The following FOXP4 variants were observed in gnomAD, a reference collection of about 807,000 sequenced individuals.
FOXP4 encodes the protein forkhead box P4.
In FOXP4, 25 loss-of-function variants were observed where a neutral mutation model predicts 82.6. That is an observed-to-expected ratio of 0.30 (90% CI 0.22 to 0.42). The LOEUF is 0.42. FOXP4 is among the 10% of genes least tolerant of loss of function. FOXP4 has a pLI of 1.00. For missense variants in FOXP4, 785 were observed against 900.9 expected, an observed-to-expected ratio of 0.87 and a Z score of 1.65; for synonymous variants, 415 against 388.2, an observed-to-expected ratio of 1.07 and a Z score of -0.81.
chr6:41,580,267 G>GT (rs1168151292), intron 3 of FOXP4, among the ~76,000 whole-genome samples: 1 of 152,092 alleles, frequency 6.6e-6, no homozygotes, highest in Non-Finnish European at 1.5e-5. Flanking sequence ...GTGTTTTTAG[G>GT]TTTTCTCCAT....
At position 41,587,802 on chromosome 6, in the gene FOXP4, CGAG is replaced by C. The variant is rs764002110; in HGVS notation, c.886_888del (p.Glu296del). On this transcript the variant is annotated inframe_deletion, in exon 8 of 17. Coordinates refer to ENST00000307972, the MANE Select transcript of FOXP4 (RefSeq NM_001012426.2). ...CCTGCTGTCCTCCCAGCTCTTCCCA[CGAG>C]GAGACCCCCGGCTCCCACCCCCTGT... 2 of 1,561,710 alleles carry C rather than the reference CGAG, an allele frequency of 1.3e-6. No homozygotes were observed. The highest frequency in any genetic ancestry group is 1.4e-5 in the African/African-American group (1 of 73,564).
At chr6:41,559,084 G>C (rs557068165) in intron 1 of FOXP4, among the ~76,000 whole-genome samples, 12 of 152,238 alleles carry the variant, frequency 7.9e-5, no homozygotes, top group African/African-American at 2.6e-4. Flanking sequence ...ACTTTGCCTG[G>C]CCAGTACCTA....
At chr6:41,557,300 C>T (rs1377844883) in intron 1 of FOXP4, among the ~76,000 whole-genome samples, 1 of 152,162 alleles carries the variant, frequency 6.6e-6, no homozygotes, top group Non-Finnish European at 1.5e-5. Context: ...TAAAGAAGAA[C>T]TGGGCAAAAT....
Position 41,577,973 on chromosome 6 carries a change from C to T in FOXP4, c.205-13C>T, listed in dbSNP as rs1460714298. On this transcript the variant is annotated splice_polypyrimidine_tract_variant and intron_variant, in intron 2 of 16. Coordinates refer to ENST00000307972, the MANE Select transcript of FOXP4 (RefSeq NM_001012426.2). ...CCTCCCAGGCCATTGCTGACTCAGC[C>T]CCTGTCTTGCAGGCTCTCCAAGTGG... The T allele has an allele frequency of 2.5e-6, 4 of 1,607,516 alleles. No homozygotes were observed. Among genetic ancestry groups the T allele is most frequent in the East Asian group, 2.2e-5 (1 of 44,834 alleles).
chr6:41,598,950 C>G lies in FOXP4; in HGVS notation c.*14C>G. ...GAACTGTCCTAAGGGCCTGTAGTGA[C>G]CGGCAGGGCTGGGGTGAGACCCCTC... is the stretch of plus-strand genomic sequence containing the variant. On this transcript the variant is annotated 3_prime_UTR_variant, in exon 17 of 17. Coordinates refer to ENST00000307972, the MANE Select transcript of FOXP4 (RefSeq NM_001012426.2). 6.4e-7 allele frequency: 1 copy of G among 1,574,264 alleles called. No individual in the cohort carries two copies. Among genetic ancestry groups the G allele is most frequent in the Non-Finnish European group, 8.6e-7 (1 of 1,163,170 alleles).
chr6:41,556,942 G>T (rs549740312), intron 1 of FOXP4, among the ~76,000 whole-genome samples: 64 of 152,354 alleles, frequency 4.2e-4, no homozygotes, highest in African/African-American at 1.3e-3. Flanking sequence ...GGGTTGGTTG[G>T]TTTTTTAAAG....
rs1479099806 is a variant in FOXP4 at position 41,590,324 on chromosome 6, A to G, written c.1411A>G (p.Thr471Ala). Residue 471 changes from threonine to alanine, a missense_variant, in exon 12 of 17, where the codon ACC (threonine) becomes GCC (alanine). This residue lies in a region of FOXP4 where 570 missense variants were observed against 634.0 expected (regional missense o/e 0.90). Coordinates refer to ENST00000307972, the MANE Select transcript of FOXP4 (RefSeq NM_001012426.2). ...YKNADVRPPF[T>A]YASLIRQAIL... ...GAACGCCGACGTCCGGCCCCCCTTC[A>G]CCTACGCCTCCCTCATCCGCCAGGT... The G allele has an allele frequency of 6.2e-7, 1 of 1,613,616 alleles. No homozygotes were observed.
Position 41,546,634 on chromosome 6 carries a change from A to G in FOXP4, c.-250A>G, listed in dbSNP as rs6935446. 0.38 allele frequency: 56,233 copies of G among 147,862 alleles called. 11,671 individuals are homozygous for G. The highest frequency in any genetic ancestry group is 0.55 in the African/African-American group (22,637 of 41,002). The allele number at this position is 147,862 out of a possible 1,614,324, so 9.2% of individuals were successfully genotyped here. On this transcript the variant is annotated 5_prime_UTR_variant, in exon 1 of 17. Coordinates refer to ENST00000307972, the MANE Select transcript of FOXP4 (RefSeq NM_001012426.2). ...AGCGTCGCGGAAGGACCGGGAAGGA[A>G]GAGCGGAGCCGGAGCGAGCCAAGCA...
chr6:41,548,824 C>A (rs6905114), intron 1 of FOXP4, among the ~76,000 whole-genome samples: 40 of 106,082 alleles, frequency 3.8e-4, no homozygotes, highest in East Asian at 1.4e-3. Context: ...GTCTGAAGGC[C>A]TTTTTTTTTT....
intron 1 of FOXP4, among the ~76,000 whole-genome samples, chr6:41,552,450 A>T (rs1405052533): frequency 6.6e-6 from 1 of 152,110 alleles, no homozygotes; most frequent in East Asian, 1.9e-4. Context: ...GAGGGTGTAG[A>T]GTTGGTCCAC....
In FOXP4 at chr6:41,586,933, C is replaced by T. The variant is rs1045222564; in HGVS notation, c.511-76C>T. 6.7e-5 allele frequency: 100 copies of T among 1,481,574 alleles called. No homozygotes were observed. In the South Asian group the frequency reaches 6.8e-4, roughly 10 times the overall value. The allele number at this position is 1,481,574 out of a possible 1,614,324, so 91.8% of individuals were successfully genotyped here. A position where few individuals can be genotyped will look rare whatever the true frequency, so the allele number is the denominator to read the frequency against. On this transcript the variant is annotated intron_variant, in intron 5 of 16. Transcript: ENST00000307972. ...CTGACAGGCCCTGGGAGGGGGTGGC[C>T]GCGGGGTGGGGGCCAGATGGCATGC...
intron 1 of FOXP4, among the ~76,000 whole-genome samples, chr6:41,556,443 T>C (rs1764280909): frequency 1.3e-5 from 2 of 151,160 alleles, no homozygotes; most frequent in South Asian, 4.2e-4. Context: ...CCTGCCTCAG[T>C]CTCCTGAGTA....
chr6:41,595,016 G>T (rs1209622733), intron 14 of FOXP4, 25 bp downstream of exon 14: 1 of 1,613,390 alleles, frequency 6.2e-7, no homozygotes, highest in Non-Finnish European at 8.5e-7. Flanking sequence ...AGCTGGATGG[G>T]CTGTACCTGC....
At chr6:41,562,687 A>G (rs1213363815) in intron 1 of FOXP4, among the ~76,000 whole-genome samples, 1 of 152,176 alleles carries the variant, frequency 6.6e-6, no homozygotes, top group Non-Finnish European at 1.5e-5. Flanking sequence ...TACACCCCTG[A>G]GGCTCTGGTC....
At chr6:41,596,741 A>G (rs973995549) in intron 14 of FOXP4, among the ~76,000 whole-genome samples, 1 of 152,004 alleles carries the variant, frequency 6.6e-6, no homozygotes, top group African/African-American at 2.4e-5. Context: ...TATGTCTGAC[A>G]TGTCCCAAAA....
At chr6:41,550,382 T>C (rs958644783) in intron 1 of FOXP4, among the ~76,000 whole-genome samples, 1 of 152,198 alleles carries the variant, frequency 6.6e-6, no homozygotes, top group Non-Finnish European at 1.5e-5. Context: ...ATGGCGTTTA[T>C]TATTAATTTG....
At chr6:41,597,451 G>A (rs1766912971) in intron 15 of FOXP4, among the ~76,000 whole-genome samples, 1 of 152,226 alleles carries the variant, frequency 6.6e-6, no homozygotes, top group Non-Finnish European at 1.5e-5. Context: ...GACAAGGCAG[G>A]CAGCTGGGAG....
intron 3 of FOXP4, among the ~76,000 whole-genome samples, chr6:41,583,586 T>A (rs1301840290): frequency 6.6e-6 from 1 of 152,168 alleles, no homozygotes; most frequent in Admixed American, 6.5e-5. Flanking sequence ...ACACTTAGTG[T>A]ACCTACCATG....
chr6:41,547,218 C>A (rs1234034232), intron 1 of FOXP4, among the ~76,000 whole-genome samples: 1 of 151,884 alleles, frequency 6.6e-6, no homozygotes, highest in African/African-American at 2.4e-5. Flanking sequence ...GAGAGGCCAC[C>A]GAGGCCCGCC....
Sources: gnomAD v4.1 joint callset for allele counts (sites outside exome capture counted in the v4.1 genomes callset) on GRCh38, gnomAD v4.1.1 for gene constraint, gnomAD v4.1.1 regional missense constraint, MANE v1.5 for transcripts, NCBI Gene and HGNC (gene_info 2026-07-23, HGNC 2026-07-21) for gene names.